The following LRRC71 variants were observed in gnomAD, a reference collection of about 807,000 sequenced individuals.
LRRC71 encodes leucine rich repeat containing 71.
In LRRC71, 54 loss-of-function variants were observed where a neutral mutation model predicts 66.6. That is an observed-to-expected ratio of 0.81 (90% CI 0.65 to 1.02). The LOEUF (loss-of-function observed/expected upper bound fraction) is 1.02, where lower values mean the gene tolerates loss of function less well. Ranked by LOEUF, LRRC71 falls within the 50% of genes least tolerant of loss-of-function variation. The pLI is 0.00. For synonymous variants in LRRC71, 323 were observed against 303.9 expected (o/e 1.06, Z -0.65); for missense variants, 724 against 718.0 (o/e 1.01, Z -0.10).
At chr1:156,937,774 G>A (rs552138022), downstream of LRRC71, among the ~76,000 whole-genome samples, 39 of 152,340 alleles carry the variant, frequency 2.6e-4, no homozygotes, top group African/African-American at 9.1e-4. Context: ...TGTTTCATTT[G>A]GGGAAATTGG....
rs770557692 is a variant in LRRC71, at chr1:156,924,036, A to T, written c.248A>T (p.Asn83Ile). Residue 83 changes from asparagine (N) to isoleucine (I), a missense_variant, in exon 2 of 15, where the codon AAC (asparagine) becomes ATC (isoleucine). Physicochemically the swap from Asn to Ile is moderately radical, Grantham distance 149 (BLOSUM62 -3). Coordinates refer to ENST00000337428, the MANE Select transcript of LRRC71 (RefSeq NM_144702.3). Reference protein sequence around the residue: ...WGYTDFPKVVNRPRPHPPFVP... With the variant: ...WGYTDFPKVVIRPRPHPPFVP... ...TACACGGACTTCCCCAAAGTTGTCA[A>T]CCGGCCCCGCCCCCACCCGCCCTTC... The T allele has an allele frequency of 6.5e-7, 1 of 1,548,496 alleles. No homozygotes were observed. The highest frequency in any genetic ancestry group is 1.2e-5 in the South Asian group (1 of 83,686).
At position 156,932,443 on chromosome 1, in the gene LRRC71, G is replaced by T. The variant is rs769480212; in HGVS notation, c.1461G>T (p.Val487=). 6.2e-6 allele frequency: 10 copies of T among 1,613,358 alleles called. No homozygotes were observed. Among genetic ancestry groups the T allele is most frequent in the Non-Finnish European group, 8.5e-6 (10 of 1,179,788 alleles). Reference sequence around the variant, plus strand: ...CACCAGGGAACCGCATCACAGAGGTGGGGCTGGAGGGCTTCCTCGCCACGG... The same window carrying T: ...CACCAGGGAACCGCATCACAGAGGTTGGGCTGGAGGGCTTCCTCGCCACGG... ...LNLIRNRITE[V]GLEGFLATVQ... Residue 487 remains valine, a synonymous_variant, in exon 14 of 15, where the codon GTG becomes GTT. Transcript: ENST00000337428.
At chr1:156,924,867 G>A (rs1180033310) in intron 4 of LRRC71, 71 bp from the exon 5 acceptor site, 3 of 1,523,926 alleles carry the variant, frequency 2.0e-6, no homozygotes, top group African/African-American at 1.4e-5. Context: ...CTGGGAGAAC[G>A]GTGTGGGGAG....
rs557335627 is a variant in LRRC71 at position 156,932,759 on chromosome 1, C to G, written c.1564-94C>G. ...GCTTTTTCTGCATGTCCCCCAGCCC[C>G]TAACCCACCCTGCCCCAGGACCATT... On this transcript the variant is annotated intron_variant, in intron 14 of 14. Coordinates refer to ENST00000337428, the MANE Select transcript of LRRC71 (RefSeq NM_144702.3). The G allele has an allele frequency of 7.5e-6, 11 of 1,473,886 alleles. No individual in the cohort carries two copies. The African/African-American group carries it at 1.6e-4, about 21-fold the overall frequency. 91.3% of individuals were successfully genotyped at this position (1,473,886 alleles called of 1,614,324 possible).
intron 9 of LRRC71, among the ~76,000 whole-genome samples, chr1:156,928,524 CTCTTCT>C (rs200476185): frequency 0.026 from 3,581 of 135,566 alleles, 179 homozygotes; most frequent in African/African-American, 0.098. Context: ...CTTCCTCTTC[CTCTTCT>C]TCTTCTTCTT....
chr1:156,933,175 G>C (rs11264586), downstream of LRRC71: 15 of 526,722 alleles, frequency 2.8e-5, no homozygotes, highest in South Asian at 4.1e-4. Context: ...AGGAATGGCA[G>C]AAAAGTGGTC....
rs1571014426 is a variant in LRRC71 at position 156,920,706 on chromosome 1, A to T, written c.-98A>T. 24 of 1,310,852 alleles carry T rather than the reference A, an allele frequency of 1.8e-5. No homozygotes were observed. In the East Asian group the frequency reaches 7.2e-4, roughly 40 times the overall value. 81.2% of individuals were successfully genotyped at this position (1,310,852 alleles called of 1,614,324 possible). A position where few individuals can be genotyped will look rare whatever the true frequency, so the allele number is the denominator to read the frequency against. The stretch of plus-strand genomic sequence containing the variant: ...TCCGGTCCCTGGACGCGGAACAGAG[A>T]TCCCCTGATTCAGCCACCCCCAGAC... On this transcript the variant is annotated 5_prime_UTR_variant, in exon 1 of 15. Coordinates refer to ENST00000337428, the MANE Select transcript of LRRC71 (RefSeq NM_144702.3). This position sits in a 1 kb window ranked among gnomAD's most constrained non-coding sequence, Gnocchi z 4.9.
intron 12 of LRRC71, 33 bp from the exon 13 acceptor site, chr1:156,931,883 C>A: frequency 6.7e-7 from 1 of 1,502,372 alleles, no homozygotes; most frequent in Non-Finnish European, 9.1e-7. Flanking sequence ...AGCTCCCCTG[C>A]TGTCTGCTGC....
Position 156,930,702 on chromosome 1 carries a change from G to A in LRRC71, c.1329+85G>A. On this transcript the variant is annotated intron_variant, in intron 12 of 14. Transcript: ENST00000337428. ...AGACGTCTCACCCCAGCCCCTCCTG[G>A]AATGTGGTCTCCAGCCCCATGCTGT... 5 of 1,282,828 alleles carry A rather than the reference G, an allele frequency of 3.9e-6. No homozygotes were observed. In the South Asian group the frequency reaches 5.2e-5, roughly 13 times the overall value. The allele number at this position is 1,282,828 out of a possible 1,614,324, so 79.5% of individuals were successfully genotyped here.
intron 2 of LRRC71, 77 bp downstream of exon 2, chr1:156,924,175 A>G: frequency 6.8e-7 from 1 of 1,469,354 alleles, no homozygotes; most frequent in Non-Finnish European, 9.2e-7. Flanking sequence ...ACGCCGGGCC[A>G]AATGGAGGGA....
Position 156,927,795 on chromosome 1 carries a change from G to C in LRRC71, c.885G>C (p.Lys295Asn), listed in dbSNP as rs1328569858. Reference sequence around the variant, plus strand: ...TGGCCCACAACCGCATCCAGGACAAGGGCGCCCTGAAGCTGGCTGAGGTGG... The same window carrying C: ...TGGCCCACAACCGCATCCAGGACAACGGCGCCCTGAAGCTGGCTGAGGTGG... ...LSLAHNRIQDKGALKLAEVLR... is the reference protein window; with the variant it reads ...LSLAHNRIQDNGALKLAEVLR... Residue 295 changes from lysine to asparagine, a missense_variant, in exon 8 of 15, where the codon AAG (lysine) becomes AAC (asparagine). By Grantham distance (94) the Lys-to-Asn change is moderately conservative. Transcript: ENST00000337428. 6.2e-7 allele frequency: 1 copy of C among 1,613,068 alleles called. No individual in the cohort carries two copies. The highest frequency in any genetic ancestry group is 1.3e-5 in the African/African-American group (1 of 74,926).
chr1:156,937,516 A>T, downstream of LRRC71: 1 of 1,511,406 alleles, frequency 6.6e-7, no homozygotes, highest in Non-Finnish European at 8.8e-7. Context: ...CAGTAAGAGA[A>T]TGAGATCAGG....
chr1:156,920,668 C>A lies in LRRC71; in HGVS notation c.-136C>A. 1 of 1,123,378 alleles carries A rather than the reference C, an allele frequency of 8.9e-7. No individual in the cohort carries two copies. The highest frequency in any genetic ancestry group is 2.7e-5 in the South Asian group (1 of 37,164). The allele number at this position is 1,123,378 out of a possible 1,614,324, so 69.6% of individuals were successfully genotyped here. On this transcript the variant is annotated 5_prime_UTR_variant, in exon 1 of 15. Transcript: ENST00000337428. This position sits in a 1 kb window ranked among gnomAD's most constrained non-coding sequence, Gnocchi z 4.9. ...GAGGGACGCGTAGGCTACGCCACCG[C>A]GGACGGGTCGGATCCGGTCCCTGGA...
chr1:156,940,345 C>T, the LRRC71 span: 1 of 1,613,992 alleles, frequency 6.2e-7, no homozygotes, highest in African/African-American at 1.3e-5. Flanking sequence ...CCCAGTTCCT[C>T]TTCCTCTGCA....
chr1:156,927,728 C>T lies in LRRC71; in HGVS notation c.823-5C>T, dbSNP rs770003274. On this transcript the variant is annotated splice_region_variant and splice_polypyrimidine_tract_variant and intron_variant, in intron 7 of 14. Coordinates refer to ENST00000337428, the MANE Select transcript of LRRC71 (RefSeq NM_144702.3). ...GCGGCTCACGCGTCCCTGCCCGCCT[C>T]TTAGGGCCTCCGGCTGAACCGTTCC... The T allele has an allele frequency of 6.2e-7, 1 of 1,608,590 alleles. No homozygotes were observed. Among genetic ancestry groups the T allele is most frequent in the South Asian group, 1.1e-5 (1 of 91,038 alleles).
chr1:156,932,384 C>A, intron 13 of LRRC71, 40 bp from the exon 14 acceptor site: 1 of 1,542,742 alleles, frequency 6.5e-7, no homozygotes, highest in Non-Finnish European at 8.9e-7. Context: ...CCAATGAGGC[C>A]TGTGGTGCTA....
intron 9 of LRRC71, among the ~76,000 whole-genome samples, chr1:156,928,650 A>G (rs1459850224): frequency 7.6e-6 from 1 of 132,426 alleles, no homozygotes; most frequent in Non-Finnish European, 1.6e-5. Flanking sequence ...GGTTCACTGC[A>G]GTCTCTGCCT....
At chr1:156,932,243 TAG>T (rs1491043164) in intron 13 of LRRC71, 179 bp from the exon 14 acceptor site, 1 of 663,554 alleles carries the variant, frequency 1.5e-6, no homozygotes, top group South Asian at 1.8e-5. Flanking sequence ...TGAGAGGAGT[TAG>T]AGAGATGGGG....
At chr1:156,922,137 G>T (rs1272220052) in intron 1 of LRRC71, among the ~76,000 whole-genome samples, 1 of 152,152 alleles carries the variant, frequency 6.6e-6, no homozygotes, top group Non-Finnish European at 1.5e-5. Flanking sequence ...GAGAGGTTAG[G>T]GGTGGAGTTG....
Sources: allele counts gnomAD v4.1 joint callset (sites outside exome capture counted in the v4.1 genomes callset), GRCh38; gene constraint gnomAD v4.1.1; non-coding constraint Gnocchi (gnomAD v3.1); transcripts MANE v1.5; gene names NCBI Gene and HGNC (gene_info 2026-07-23, HGNC 2026-07-21).